Variants in KDM3A observed in about 807,000 individuals in gnomAD.
KDM3A encodes lysine demethylase 3A.
In KDM3A, 60 loss-of-function variants were observed where a neutral mutation model predicts 158.0. The observed-to-expected ratio is 0.38, with a 90% CI of 0.31 to 0.47. The LOEUF is 0.47. KDM3A is among the 20% of genes least tolerant of loss of function. The pLI, the probability that KDM3A is intolerant of heterozygous loss-of-function variation, is 0.99. For missense variants in KDM3A, 1,319 were observed against 1,574.3 expected (o/e 0.84, Z 2.74); for synonymous variants, 608 against 549.3 (o/e 1.11, Z -1.49).
chr2:86,442,477 T>A (rs1192789559), intron 2 of KDM3A: 1 of 427,380 alleles, frequency 2.3e-6, no homozygotes, highest in Admixed American at 4.0e-5. Flanking sequence ...CACGCTTCAT[T>A]AATGCCGGTG....
Position 86,489,501 on chromosome 2 carries a change from C to CT in KDM3A, c.3434-16dup, listed in dbSNP as rs763439526. 9.3e-6 allele frequency: 15 copies of CT among 1,611,302 alleles called. No individual in the cohort carries two copies. Among genetic ancestry groups the CT allele is most frequent in the Non-Finnish European group, 1.2e-5 (14 of 1,178,780 alleles). On this transcript the variant is annotated intron_variant, in intron 22 of 25. Transcript: ENST00000312912. The stretch of plus-strand genomic sequence containing the variant: ...GCCAGGGCTTGTGGTCTGATATCTG[C>CT]TTTCTCTTCTTGCTCTAGAAGTCCT...
At chr2:86,452,562 G>A (rs1370053531) in intron 4 of KDM3A, among the ~76,000 whole-genome samples, 3 of 151,982 alleles carry the variant, frequency 2.0e-5, no homozygotes, top group East Asian at 1.9e-4. Context: ...CTGCACACAC[G>A]CATACAAACA....
chr2:86,472,659 CTT>C (rs1266372384), intron 11 of KDM3A, among the ~76,000 whole-genome samples: 2 of 152,130 alleles, frequency 1.3e-5, no homozygotes. Context: ...ATTCTACACT[CTT>C]TTGGACAAAT....
In KDM3A at chr2:86,456,623, A is replaced by G. The variant is rs1222971607; in HGVS notation, c.681+57A>G. ...CTCGACAAAGCATGATAACTATACA[A>G]AGCATTTATGATTTTCTAGGCACTA... On this transcript the variant is annotated intron_variant, in intron 6 of 25. Coordinates refer to ENST00000312912, the MANE Select transcript of KDM3A (RefSeq NM_018433.6). 3 of 1,515,550 alleles carry G rather than the reference A, an allele frequency of 2.0e-6. No individual in the cohort carries two copies. The African/African-American group carries it at 4.2e-5, about 21-fold the overall frequency. The allele number at this position is 1,515,550 out of a possible 1,614,324, so 93.9% of individuals were successfully genotyped here. A position where few individuals can be genotyped will look rare whatever the true frequency, so the allele number is the denominator to read the frequency against.
chr2:86,470,498 TA>T, intron 11 of KDM3A, 90 bp downstream of exon 11: 1 of 1,093,204 alleles, frequency 9.1e-7, no homozygotes, highest in Non-Finnish European at 1.4e-6. Flanking sequence ...TTATCAACAG[TA>T]AATCTAGAAG....
chr2:86,471,913 G>C (rs953211663), intron 11 of KDM3A, among the ~76,000 whole-genome samples: 2 of 152,068 alleles, frequency 1.3e-5, no homozygotes, highest in Admixed American at 1.3e-4. Flanking sequence ...CCTTCCTCTC[G>C]AGAATTTTCT....
intron 23 of KDM3A, 109 bp downstream of exon 23, chr2:86,489,768 A>T (rs1426234048): frequency 5.3e-5 from 65 of 1,237,928 alleles, no homozygotes; most frequent in Non-Finnish European, 7.2e-5. Flanking sequence ...CAACCTGAAA[A>T]GTTAAATCTG....
At chr2:86,467,535 A>T (rs1296227802) in intron 10 of KDM3A, among the ~76,000 whole-genome samples, 1 of 152,144 alleles carries the variant, frequency 6.6e-6, no homozygotes, top group Non-Finnish European at 1.5e-5. Flanking sequence ...CTTATGGGGA[A>T]ATTGGTACGT....
At chr2:86,480,463 C>A in intron 16 of KDM3A, 101 bp downstream of exon 16, 1 of 1,023,358 alleles carries the variant, frequency 9.8e-7, no homozygotes, top group Non-Finnish European at 1.4e-6. Flanking sequence ...ATGGAAAGTG[C>A]TTCTCTGGAG....
rs1223529662 is a variant in KDM3A, at chr2:86,477,888, TG to T, written c.1953del (p.Trp651Ter). 1 of 1,606,722 alleles carries T rather than the reference TG, an allele frequency of 6.2e-7. No individual in the cohort carries two copies. The highest frequency in any genetic ancestry group is 8.5e-7 in the Non-Finnish European group (1 of 1,175,688). ...ACTGATTTTTGCAGGACAGGTTGCT[TG>T]GAAGCGAGCTGTCAAAGGTGTTCGA... ...STIEPHRQVA[W>X]KRAVKGVREM... On this transcript the variant is annotated frameshift_variant, in exon 13 of 26. Transcript: ENST00000312912. LOFTEE classifies it high-confidence loss of function.
At chr2:86,441,340 G>C (rs1295632951), upstream of KDM3A, 1 of 152,396 alleles carries the variant, frequency 6.6e-6, no homozygotes, top group Non-Finnish European at 1.5e-5. Flanking sequence ...GGTCCGGGAG[G>C]CTGTGCGTGT....
intron 3 of KDM3A, 85 bp from the exon 4 acceptor site, chr2:86,451,015 TTTC>T (rs1326310182): frequency 1.3e-6 from 1 of 792,890 alleles, no homozygotes; most frequent in Admixed American, 3.0e-5. Flanking sequence ...GCTTTATCAC[TTTC>T]TCTGTGTGTG....
rs1187117503 is a variant in KDM3A, at chr2:86,467,066, ACC to A, written c.1519+184_1519+185del. On this transcript the variant is annotated intron_variant, in intron 10 of 25. Coordinates refer to ENST00000312912, the MANE Select transcript of KDM3A (RefSeq NM_018433.6). The stretch of plus-strand genomic sequence containing the variant: ...ACGATTACTGTTAATATTTTGGTGT[ACC>A]TGGTTTCATGTATATAGAAATACAG... Among the ~76,000 whole-genome samples, 116 of 152,330 alleles carry A rather than the reference ACC, an allele frequency of 7.6e-4. 1 individual carries two copies. Among genetic ancestry groups the A allele is most frequent in the African/African-American group, 2.6e-3 (108 of 41,568 alleles).
chr2:86,461,690 C>T (rs1465984310), intron 8 of KDM3A, among the ~76,000 whole-genome samples: 1 of 152,130 alleles, frequency 6.6e-6, no homozygotes, highest in Non-Finnish European at 1.5e-5. Context: ...TGGGATGCTA[C>T]TTCAGAAAGA....
chr2:86,485,607 TGTCA>T lies in KDM3A; in HGVS notation c.3183-118_3183-115del, dbSNP rs1459971162. On this transcript the variant is annotated intron_variant, in intron 20 of 25. Coordinates refer to ENST00000312912, the MANE Select transcript of KDM3A (RefSeq NM_018433.6). ...CTTCTCATCTTAAATATTTGATGGC[TGTCA>T]GTCTGCATGATCACAGATGGATTTG... 6 of 1,119,680 alleles carry T rather than the reference TGTCA, an allele frequency of 5.4e-6. No homozygotes were observed. The East Asian group carries it at 7.4e-5, about 14-fold the overall frequency. The allele number at this position is 1,119,680 out of a possible 1,614,324, so 69.4% of individuals were successfully genotyped here.
At chr2:86,467,028 C>T (rs934103267) in intron 10 of KDM3A, 145 bp downstream of exon 10, 2 of 684,288 alleles carry the variant, frequency 2.9e-6, no homozygotes, top group Non-Finnish European at 4.7e-6. Flanking sequence ...GGTATAATTC[C>T]CAAATCTCAG....
chr2:86,461,267 T>C (rs909321656), intron 8 of KDM3A, among the ~76,000 whole-genome samples: 2 of 152,144 alleles, frequency 1.3e-5, no homozygotes, highest in South Asian at 4.1e-4. Context: ...CTTGTAAAAA[T>C]AGCAGATTTC....
intron 5 of KDM3A, among the ~76,000 whole-genome samples, chr2:86,455,568 GAAATTTA>G (rs1470308758): frequency 6.6e-5 from 10 of 151,898 alleles, no homozygotes; most frequent in Admixed American, 2.0e-4. Flanking sequence ...AAATTTTTAA[GAAATTTA>G]AAATTTAAAA....
chr2:86,445,435 A>T (rs533636882), intron 2 of KDM3A, among the ~76,000 whole-genome samples: 34 of 152,172 alleles, frequency 2.2e-4, no homozygotes, highest in Non-Finnish European at 3.4e-4. Context: ...TCACATAATT[A>T]TGCGTGGTGG....
Sources: allele counts gnomAD v4.1 joint callset (sites outside exome capture counted in the v4.1 genomes callset), GRCh38; gene constraint gnomAD v4.1.1; transcripts MANE v1.5; gene names NCBI Gene and HGNC (gene_info 2026-07-23, HGNC 2026-07-21).